Variants in FADS3 observed in about 807,000 individuals in gnomAD.
FADS3 encodes cytochrome b5-related protein.
FADS3 carries 30 observed loss-of-function variants against 60.4 expected under a neutral mutation model. The ratio of observed to expected loss-of-function variants is 0.50; its 90% CI spans 0.37 to 0.67. The LOEUF is 0.67. Among genes scored for constraint, FADS3 ranks in the 30% least tolerant of loss-of-function variants. FADS3 has a pLI of 0.00. For missense variants in FADS3, 432 were observed against 598.3 expected, an observed-to-expected ratio of 0.72 and a Z score of 2.90; for synonymous variants, 234 against 249.3, an observed-to-expected ratio of 0.94 and a Z score of 0.58.
chr11:61,873,832 G>A lies in FADS3; in HGVS notation c.1320C>T (p.Asp440=), dbSNP rs772163746. 82 of 1,611,150 alleles carry A rather than the reference G, an allele frequency of 5.1e-5. 1 individual carries two copies. Among genetic ancestry groups the A allele is most frequent in the Admixed American group, 1.0e-4 (6 of 59,782 alleles). ...SLKKSGDIWL[D]AYLHQ ...GTTGCCTTCACTGATGGAGGTAGGC[G>A]TCCAGCCAGATGTCACCAGACTTCT... Residue 440 remains aspartate (D), a synonymous_variant, in exon 12 of 12, where the codon GAC becomes GAT. Transcript: ENST00000278829.
rs1937885464 is a variant in FADS3 at position 61,876,367 on chromosome 11, T to A, written c.1072A>T (p.Ser358Cys). 1 of 1,612,630 alleles carries A rather than the reference T, an allele frequency of 6.2e-7. No homozygotes were observed. The highest frequency in any genetic ancestry group is 8.5e-7 in the Non-Finnish European group (1 of 1,179,678). The change falls in exon 9 of 12, where the codon AGC becomes TGC. Residue 358 changes from serine (S) to cysteine (C), a missense_variant. Ser to Cys is a moderately radical substitution (Grantham distance 112). Coordinates refer to ENST00000278829, the MANE Select transcript of FADS3 (RefSeq NM_021727.5). This position sits in a 1 kb window ranked among gnomAD's most constrained non-coding sequence, Gnocchi z 5.7. The part of the protein sequence containing the change: ...IGHEKHRDWV[S>C]SQLAATCNVE... ...CCACCCCTGCTGCCCACCTGAGAGCTGACCCAGTCCCGGTGCTTCTCGTGG... is the reference window on the plus strand; with the variant it reads ...CCACCCCTGCTGCCCACCTGAGAGCAGACCCAGTCCCGGTGCTTCTCGTGG...
chr11:61,875,384 T>TTTTG (rs1565342300), intron 11 of FADS3, among the ~76,000 whole-genome samples: 10 of 2,424 alleles, frequency 4.1e-3, no homozygotes, highest in Admixed American at 7.6e-3. Context: ...TTTTTGTTTT[T>TTTTG]TTTTTTTTTT....
rs1183983545 is a variant in FADS3, at chr11:61,879,480, C to G, written c.354G>C (p.Leu118=). 6.3e-7 allele frequency: 1 copy of G among 1,598,480 alleles called. No individual in the cohort carries two copies. The highest frequency in any genetic ancestry group is 1.3e-5 in the African/African-American group (1 of 74,808). The change falls in exon 3 of 12, where the codon CTG becomes CTC. Residue 118 remains leucine, a synonymous_variant. Transcript: ENST00000278829. ...GCTTCATGTCCTCGGCTGCCTGGTG[C>G]AGGGCTCGGAAGTCCTCGACCAGCT... ...NAQLVEDFRA[L]HQAAEDMKLF...
chr11:61,879,595 C>T, intron 2 of FADS3, 86 bp from the exon 3 acceptor site: 1 of 1,337,292 alleles, frequency 7.5e-7, no homozygotes, highest in East Asian at 2.5e-5. Flanking sequence ...CCTCCCATCG[C>T]CAGGCCCAAG....
chr11:61,880,231 G>C, intron 1 of FADS3, 80 bp from the exon 2 acceptor site: 1 of 1,134,760 alleles, frequency 8.8e-7, no homozygotes, highest in Non-Finnish European at 1.3e-6. Context: ...CAGGCGGAAG[G>C]ACTACGGATG....
rs1937976504 is a variant in FADS3 at position 61,878,072 on chromosome 11, T to G, written c.808+83A>C. The G allele has an allele frequency of 3.2e-6, 4 of 1,247,408 alleles. No individual in the cohort carries two copies. In the Admixed American group the frequency reaches 6.9e-5, roughly 22 times the overall value. 77.3% of individuals were successfully genotyped at this position (1,247,408 alleles called of 1,614,324 possible). A position where few individuals can be genotyped will look rare whatever the true frequency, so the allele number is the denominator to read the frequency against. On this transcript the variant is annotated intron_variant, in intron 6 of 11. Transcript: ENST00000278829. ...GACAGACGTGCCCCGCCCCAGGAAG[T>G]GGCTGGGAGTGGTCCAGGACAGCAG...
rs1205998126 is a variant in FADS3, at chr11:61,876,500, A to T, written c.984-45T>A. The T allele has an allele frequency of 6.6e-7, 1 of 1,505,406 alleles. No individual in the cohort carries two copies. Among genetic ancestry groups the T allele is most frequent in the East Asian group, 2.3e-5 (1 of 44,320 alleles). The allele number at this position is 1,505,406 out of a possible 1,614,324, so 93.3% of individuals were successfully genotyped here. On this transcript the variant is annotated intron_variant, in intron 8 of 11. Coordinates refer to ENST00000278829, the MANE Select transcript of FADS3 (RefSeq NM_021727.5). The surrounding 1 kb of genome is among the most constrained non-coding windows in gnomAD (Gnocchi z 5.7). ...CTGCCCTAGGTCCAGCTCACCACTTAGGCACCCTGAGTGGAGGCTGGAGAG... is the reference window on the plus strand; with the variant it reads ...CTGCCCTAGGTCCAGCTCACCACTTTGGCACCCTGAGTGGAGGCTGGAGAG...
chr11:61,887,505 G>T (rs1191031495), intron 1 of FADS3, among the ~76,000 whole-genome samples: 1 of 152,138 alleles, frequency 6.6e-6, no homozygotes, highest in African/African-American at 2.4e-5. Flanking sequence ...TAAAGCCAAA[G>T]TCCTTCCGAG....
In FADS3 at chr11:61,877,831, G is replaced by A. The variant is rs907877474; in HGVS notation, c.809-244C>T. On this transcript the variant is annotated intron_variant, in intron 6 of 11. Transcript: ENST00000278829. This position sits in a 1 kb window ranked among gnomAD's most constrained non-coding sequence, Gnocchi z 4.7. ...CCAGACTTGAGTCCTCACTCTGTCCGCCCCAACAACTGCCCAAAGACTCTA... is the reference window on the plus strand; with the variant it reads ...CCAGACTTGAGTCCTCACTCTGTCCACCCCAACAACTGCCCAAAGACTCTA... 3.5e-5 allele frequency: 21 copies of A among 594,680 alleles called. No individual in the cohort carries two copies. Among genetic ancestry groups the A allele is most frequent in the Non-Finnish European group, 4.8e-5 (16 of 333,190 alleles). The allele number at this position is 594,680 out of a possible 1,614,324, so 36.8% of individuals were successfully genotyped here.
At chr11:61,878,249 T>C (rs750431416) in intron 5 of FADS3, 34 bp from the exon 6 acceptor site, 1 of 1,607,572 alleles carries the variant, frequency 6.2e-7, no homozygotes, top group Non-Finnish European at 8.5e-7. Flanking sequence ...AGACAGCAGC[T>C]CTCCAGGCCA....
intron 11 of FADS3, among the ~76,000 whole-genome samples, chr11:61,874,840 C>A (rs1937809948): frequency 6.6e-6 from 1 of 152,218 alleles, no homozygotes; most frequent in East Asian, 1.9e-4. Flanking sequence ...CCTGTCCCCA[C>A]CCTGAGGGGC....
intron 5 of FADS3, 139 bp from the exon 6 acceptor site, chr11:61,878,354 T>A: frequency 7.3e-7 from 1 of 1,370,810 alleles, no homozygotes; most frequent in Non-Finnish European, 1.0e-6. Flanking sequence ...CCCCAGCAGG[T>A]TGGGAGGTGG....
intron 5 of FADS3, 134 bp downstream of exon 5, chr11:61,878,378 G>T: frequency 7.1e-7 from 1 of 1,410,582 alleles, no homozygotes; most frequent in African/African-American, 1.4e-5. Context: ...GGAAAGACAC[G>T]GGGGCAGAGC....
chr11:61,875,100 T>A (rs774410952), intron 11 of FADS3, among the ~76,000 whole-genome samples: 13 of 152,218 alleles, frequency 8.5e-5, no homozygotes, highest in Non-Finnish European at 1.6e-4. Flanking sequence ...GGTCACCAGG[T>A]TCATAAGAAC....
chr11:61,882,182 C>T (rs1256283583), intron 1 of FADS3: 1 of 142,880 alleles, frequency 7.0e-6, no homozygotes, highest in Non-Finnish European at 1.5e-5. Context: ...GCAATCATGG[C>T]TCACTGCAGC....
intron 11 of FADS3, among the ~76,000 whole-genome samples, chr11:61,875,113 C>T (rs1179707287): frequency 6.6e-6 from 1 of 152,204 alleles, no homozygotes; most frequent in Non-Finnish European, 1.5e-5. Context: ...ATAAGAACCA[C>T]CTGCATGGGG....
In FADS3 at chr11:61,891,461, G is replaced by A. The variant is rs1938513256; in HGVS notation, c.-80C>T. Reference sequence around the variant, plus strand: ...CCCGAGGGAAGCGAAGAGCGCTCCCGGGCGCCGCCTCCGCCGCCGCCCGCT... The same window carrying A: ...CCCGAGGGAAGCGAAGAGCGCTCCCAGGCGCCGCCTCCGCCGCCGCCCGCT... On this transcript the variant is annotated 5_prime_UTR_variant, in exon 1 of 12. Transcript: ENST00000278829. 2 of 1,067,996 alleles carry A rather than the reference G, an allele frequency of 1.9e-6. No individual in the cohort carries two copies. Among genetic ancestry groups the A allele is most frequent in the South Asian group, 3.5e-5 (1 of 28,442 alleles). 66.2% of individuals were successfully genotyped at this position (1,067,996 alleles called of 1,614,324 possible).
chr11:61,883,963 C>T (rs1467210716), intron 1 of FADS3, among the ~76,000 whole-genome samples: 2 of 152,196 alleles, frequency 1.3e-5, no homozygotes, highest in Non-Finnish European at 2.9e-5. Context: ...GGGAAGCAGG[C>T]TGGGCTCTCA....
chr11:61,880,175 C>A (rs774764892), intron 1 of FADS3, 24 bp from the exon 2 acceptor site: 61 of 1,595,258 alleles, frequency 3.8e-5, no homozygotes, highest in Non-Finnish European at 5.2e-5. Context: ...GACAGTCAGG[C>A]GGACAGACAG....
Sources: allele counts gnomAD v4.1 joint callset (sites outside exome capture counted in the v4.1 genomes callset), GRCh38; gene constraint gnomAD v4.1.1; non-coding constraint Gnocchi (gnomAD v3.1); transcripts MANE v1.5; gene names NCBI Gene and HGNC (gene_info 2026-07-23, HGNC 2026-07-21).